SCO1: variants seen among roughly 807,000 people sequenced by gnomAD.
SCO1 encodes the protein synthesis of cytochrome C oxidase 1, also known as cytochrome c oxidase assembly factor SCO1.
SCO1 carries 23 observed loss-of-function variants against 34.0 expected under a neutral mutation model. The ratio of observed to expected loss-of-function variants is 0.68; its 90% CI spans 0.49 to 0.96. The LOEUF (loss-of-function observed/expected upper bound fraction) is 0.96. Ranked by LOEUF, SCO1 falls within the 40% of genes least tolerant of loss-of-function variation. The pLI is 0.00. For missense variants in SCO1, 404 were observed against 381.6 expected, an observed-to-expected ratio of 1.06 and a Z score of -0.49; for synonymous variants, 161 against 145.5, an observed-to-expected ratio of 1.11 and a Z score of -0.77.
chr17:10,690,211 A>G (rs2074681599), intron 4 of SCO1, among the ~76,000 whole-genome samples: 1 of 152,198 alleles, frequency 6.6e-6, no homozygotes, highest in Non-Finnish European at 1.5e-5. Flanking sequence ...ATATCAAAAT[A>G]AAAAGCTTCT....
At chr17:10,694,094 C>T (rs528344599) in intron 2 of SCO1, among the ~76,000 whole-genome samples, 1 of 152,322 alleles carries the variant, frequency 6.6e-6, no homozygotes, top group Admixed American at 6.5e-5. Context: ...ACAACTGGTA[C>T]TATGTGGTAT....
At position 10,680,499 on chromosome 17, in the gene SCO1, T is replaced by C. The variant is rs1286873585; in HGVS notation, c.*620A>G. On this transcript the variant is annotated 3_prime_UTR_variant, in exon 6 of 6. Transcript: ENST00000255390. ...GCTAAAAATCACATAAAAGAACCCC[T>C]AGAGAAATCAAACTGATGTTTTTTT... The C allele has an allele frequency of 6.3e-6, 1 of 158,402 alleles. No individual in the cohort carries two copies. The highest frequency in any genetic ancestry group is 1.4e-5 in the Non-Finnish European group (1 of 71,466). The allele number at this position is 158,402 out of a possible 1,614,324, so 9.8% of individuals were successfully genotyped here.
At position 10,695,702 on chromosome 17, in the gene SCO1, GA is replaced by G. The variant is rs368551960; in HGVS notation, c.364+38del. ...AAAGGTGCTAGTCCATAGCCAGGAA[GA>G]CCTTTATACAGGGCTGAGCAGATGA... On this transcript the variant is annotated intron_variant, in intron 2 of 5. Coordinates refer to ENST00000255390, the MANE Select transcript of SCO1 (RefSeq NM_004589.4). 0.012 allele frequency: 17,273 copies of G among 1,407,858 alleles called. 921 individuals are homozygous for G. The East Asian group carries it at 0.16, about 13-fold the overall frequency. 87.2% of individuals were successfully genotyped at this position (1,407,858 alleles called of 1,614,324 possible).
chr17:10,696,071 TAAAA>T (rs869243005), intron 1 of SCO1, among the ~76,000 whole-genome samples: 182 of 73,018 alleles, frequency 2.5e-3, no homozygotes, highest in African/African-American at 9.4e-3. Context: ...TTCATGTAAA[TAAAA>T]AAAAAAAAAA....
chr17:10,696,209 C>T (rs1034237929), intron 1 of SCO1, among the ~76,000 whole-genome samples: 3 of 151,312 alleles, frequency 2.0e-5, no homozygotes. Context: ...CTTTGGGAGG[C>T]GGAGGCGGGT....
chr17:10,680,574 T>C lies in SCO1; in HGVS notation c.*545A>G, dbSNP rs534584181. 1 of 158,856 alleles carries C rather than the reference T, an allele frequency of 6.3e-6. No homozygotes were observed. The highest frequency in any genetic ancestry group is 1.4e-5 in the Non-Finnish European group (1 of 71,532). 9.8% of individuals were successfully genotyped at this position (158,856 alleles called of 1,614,324 possible). A position where few individuals can be genotyped will look rare whatever the true frequency, so the allele number is the denominator to read the frequency against. ...TCATTAGTCAAATCTGATAGTGATA[T>C]TCATTAATAAGGAAAACTAAAGTTT... On this transcript the variant is annotated 3_prime_UTR_variant, in exon 6 of 6. Coordinates refer to ENST00000255390, the MANE Select transcript of SCO1 (RefSeq NM_004589.4).
At chr17:10,689,066 A>G (rs1467062220) in intron 4 of SCO1, among the ~76,000 whole-genome samples, 1 of 123,046 alleles carries the variant, frequency 8.1e-6, no homozygotes, top group Non-Finnish European at 1.5e-5. Context: ...CAGTGAGCCG[A>G]GATCCCGCCA....
At chr17:10,686,887 A>T in intron 4 of SCO1, 45 bp from the exon 5 acceptor site, 1 of 1,265,744 alleles carries the variant, frequency 7.9e-7, no homozygotes, top group Admixed American at 1.7e-5. Context: ...GAAGCCAGTA[A>T]AACAACCATC....
chr17:10,684,440 TGAGTA>T (rs1242428252), intron 5 of SCO1, among the ~76,000 whole-genome samples: 1 of 152,204 alleles, frequency 6.6e-6, no homozygotes, highest in Non-Finnish European at 1.5e-5. Context: ...GAGGGGCAGT[TGAGTA>T]GAGTTGGGTA....
chr17:10,683,431 A>T (rs1021918382), intron 5 of SCO1, among the ~76,000 whole-genome samples: 1 of 152,196 alleles, frequency 6.6e-6, no homozygotes, highest in Non-Finnish European at 1.5e-5. Flanking sequence ...TAAAAAGTAT[A>T]TAACTTTAAA....
chr17:10,685,362 G>A (rs2074649462), intron 5 of SCO1, among the ~76,000 whole-genome samples: 1 of 152,160 alleles, frequency 6.6e-6, no homozygotes. Flanking sequence ...ATACAACGCC[G>A]ACTCTTCATA....
chr17:10,692,780 T>C lies in SCO1; in HGVS notation c.546A>G (p.Gln182=). ...VCPEELEKMI[Q]VVDEIDSITT... ...CTTTCTTACCTATTTCATCCACGACTTGAATCATCTTTTCTAGTTCTTCTG... is the reference window on the plus strand; with the variant it reads ...CTTTCTTACCTATTTCATCCACGACCTGAATCATCTTTTCTAGTTCTTCTG... The change falls in exon 3 of 6, where the codon CAA becomes CAG. Residue 182 remains glutamine, a synonymous_variant. Coordinates refer to ENST00000255390, the MANE Select transcript of SCO1 (RefSeq NM_004589.4). 4 of 1,614,092 alleles carry C rather than the reference T, an allele frequency of 2.5e-6. No individual in the cohort carries two copies. Among genetic ancestry groups the C allele is most frequent in the Non-Finnish European group, 3.4e-6 (4 of 1,179,922 alleles).
chr17:10,695,094 C>G (rs1368489213), intron 2 of SCO1, among the ~76,000 whole-genome samples: 1 of 152,186 alleles, frequency 6.6e-6, no homozygotes, highest in Non-Finnish European at 1.5e-5. Context: ...AGATGCTAAT[C>G]CAGAGCAGTT....
At chr17:10,696,080 A>G (rs8074933) in intron 1 of SCO1, among the ~76,000 whole-genome samples, 1 of 149,864 alleles carries the variant, frequency 6.7e-6, no homozygotes, top group African/African-American at 2.4e-5. Context: ...ATAAAAAAAA[A>G]AAAAAAAAAA....
At position 10,686,408 on chromosome 17, in the gene SCO1, C is replaced by T. The variant is rs138445775; in HGVS notation, c.771+319G>A. Among the ~76,000 whole-genome samples, 606 of 151,566 alleles carry T rather than the reference C, an allele frequency of 4.0e-3. 8 individuals are homozygous for T. Among genetic ancestry groups the T allele is most frequent in the African/African-American group, 0.013 (533 of 41,282 alleles). Reference sequence around the variant, plus strand: ...CAGCCTGGCCAACGTGGTGAAACCCCGTCTCTACCAAAAAATATAAAAAAG... The same window carrying T: ...CAGCCTGGCCAACGTGGTGAAACCCTGTCTCTACCAAAAAATATAAAAAAG... On this transcript the variant is annotated intron_variant, in intron 5 of 5. Transcript: ENST00000255390.
intron 5 of SCO1, among the ~76,000 whole-genome samples, chr17:10,682,412 G>T (rs916136753): frequency 6.6e-6 from 1 of 152,240 alleles, no homozygotes; most frequent in South Asian, 2.1e-4. Flanking sequence ...ATAGTTCACC[G>T]CAGGAGCAAG....
intron 4 of SCO1, among the ~76,000 whole-genome samples, chr17:10,689,787 G>C (rs2071942440): frequency 6.6e-6 from 1 of 152,088 alleles, no homozygotes; most frequent in African/African-American, 2.4e-5. Context: ...AAGCTGGTAG[G>C]ATCACACTAC....
chr17:10,674,520 G>A lies in SCO1; in HGVS notation c.*6599C>T. 1 of 226,156 alleles carries A rather than the reference G, an allele frequency of 4.4e-6. No individual in the cohort carries two copies. The highest frequency in any genetic ancestry group is 8.9e-6 in the Non-Finnish European group (1 of 112,418). 14.0% of individuals were successfully genotyped at this position (226,156 alleles called of 1,614,324 possible). A position where few individuals can be genotyped will look rare whatever the true frequency, so the allele number is the denominator to read the frequency against. On this transcript the variant is annotated 3_prime_UTR_variant, in exon 6 of 6. Coordinates refer to ENST00000255390, the MANE Select transcript of SCO1 (RefSeq NM_004589.4). ...CTGCATTTCTGCTAAGTACCCCAGT[G>A]GTGTGACACTGCCGGACCACAGACT...
intron 1 of SCO1, 81 bp from the exon 2 acceptor site, chr17:10,695,912 T>A (rs1176563156): frequency 3.0e-6 from 3 of 991,452 alleles, no homozygotes; most frequent in African/African-American, 1.6e-5. Context: ...AAGTAGTTTT[T>A]AATATACATA....
Sources: allele counts gnomAD v4.1 joint callset (sites outside exome capture counted in the v4.1 genomes callset), GRCh38; gene constraint gnomAD v4.1.1; transcripts MANE v1.5; gene names NCBI Gene and HGNC (gene_info 2026-07-23, HGNC 2026-07-21).